Variants in ANKRD10 observed in about 807,000 individuals in gnomAD.
The protein encoded by ANKRD10 is ankyrin repeat domain 10.
ANKRD10 carries 14 observed loss-of-function variants against 27.0 expected under a neutral mutation model. That is an observed-to-expected ratio of 0.52 (90% CI 0.34 to 0.81). The LOEUF (loss-of-function observed/expected upper bound fraction) is 0.81, where lower values mean the gene tolerates loss of function less well. ANKRD10 is among the 40% of genes least tolerant of loss of function. The pLI is 0.01. For missense variants in ANKRD10, 493 were observed against 544.0 expected (o/e 0.91, Z 0.93); for synonymous variants, 250 against 224.5 (o/e 1.11, Z -1.01).
chr13:110,904,194 C>T (rs2065463643), intron 3 of ANKRD10: 1 of 152,090 alleles, frequency 6.6e-6, no homozygotes, highest in Non-Finnish European at 1.5e-5. Flanking sequence ...AGGCTAAATA[C>T]TTCTTCTAAA....
chr13:110,913,626 G>A (rs1486684331), intron 1 of ANKRD10, among the ~76,000 whole-genome samples: 1 of 152,150 alleles, frequency 6.6e-6, no homozygotes, highest in African/African-American at 2.4e-5. Flanking sequence ...AGCACCAGGG[G>A]CAGCAAGGTA....
intron 5 of ANKRD10, among the ~76,000 whole-genome samples, chr13:110,882,870 C>T (rs905585695): frequency 2.0e-5 from 3 of 151,906 alleles, no homozygotes; most frequent in Admixed American, 2.0e-4. Flanking sequence ...TGCATAAAGA[C>T]ATAATAAACT....
At chr13:110,885,564 A>G (rs1168764924) in intron 4 of ANKRD10, among the ~76,000 whole-genome samples, 1 of 151,642 alleles carries the variant, frequency 6.6e-6, no homozygotes, top group Non-Finnish European at 1.5e-5. Context: ...AGAAAAAAAG[A>G]AAGAAAGAAA....
chr13:110,886,003 C>T (rs1435082619), intron 4 of ANKRD10, among the ~76,000 whole-genome samples: 2 of 152,218 alleles, frequency 1.3e-5, no homozygotes, highest in Non-Finnish European at 2.9e-5. Context: ...ATGAAGCCCA[C>T]CCACTAGCCA....
chr13:110,893,073 A>G lies in ANKRD10; in HGVS notation c.646T>C (p.Leu216=). The change falls in exon 4 of 6, where the codon TTG becomes CTG. Residue 216 remains leucine, a synonymous_variant. Coordinates refer to ENST00000267339, the MANE Select transcript of ANKRD10 (RefSeq NM_017664.4). The part of the protein sequence containing the change: ...ISVGTNRKRC[L]EDSEDFGVKK... ...ACTCCAAAGTCTTCTGAGTCTTCCA[A>G]GCATCTCTTTCGATTTGTTCCCACA... 1 of 1,614,232 alleles carries G rather than the reference A, an allele frequency of 6.2e-7. No individual in the cohort carries two copies. Among genetic ancestry groups the G allele is most frequent in the Non-Finnish European group, 8.5e-7 (1 of 1,180,038 alleles).
intron 2 of ANKRD10, among the ~76,000 whole-genome samples, chr13:110,906,803 G>T (rs2065551781): frequency 6.6e-6 from 1 of 151,994 alleles, no homozygotes; most frequent in Admixed American, 6.6e-5. Flanking sequence ...GAAATTCCTG[G>T]TTCAGAAAGT....
Position 110,910,768 on chromosome 13 carries a change from C to G in ANKRD10, c.213G>C (p.Leu71Phe), listed in dbSNP as rs1481771362. 1 of 1,612,636 alleles carries G rather than the reference C, an allele frequency of 6.2e-7. No individual in the cohort carries two copies. The highest frequency in any genetic ancestry group is 1.7e-5 in the Admixed American group (1 of 59,668). ...CTCTCACCAACTGCACTAAGCACTC[C>G]AACTTCGAAAACAAGAGGGGTAATG... ...PVHWAAHFGK[L>F]ECLVQLVRAG... is the part of the protein sequence containing the mutation. Residue 71 changes from leucine to phenylalanine, a missense_variant and splice_region_variant, in exon 2 of 6, where the codon TTG becomes TTC. Leu to Phe is a conservative substitution (Grantham distance 22, BLOSUM62 0). Coordinates refer to ENST00000267339, the MANE Select transcript of ANKRD10 (RefSeq NM_017664.4).
chr13:110,903,562 T>C (rs2065444136), intron 3 of ANKRD10: 1 of 154,422 alleles, frequency 6.5e-6, no homozygotes, highest in African/African-American at 2.4e-5. Flanking sequence ...GTAAGTTATA[T>C]AACAAACCAT....
intron 3 of ANKRD10, among the ~76,000 whole-genome samples, chr13:110,901,003 TA>T (rs1343663919): frequency 6.6e-6 from 1 of 152,198 alleles, no homozygotes; most frequent in Non-Finnish European, 1.5e-5. Context: ...CAGTATGGAC[TA>T]AAAACCATCA....
At chr13:110,893,313 G>GTC in intron 3 of ANKRD10, 50 bp from the exon 4 acceptor site, 1 of 1,569,704 alleles carries the variant, frequency 6.4e-7, no homozygotes, top group Non-Finnish European at 8.7e-7. Context: ...TGCTAACCTG[G>GTC]TCTCTGCTCC....
intron 3 of ANKRD10, chr13:110,894,906 G>C (rs1455373962): frequency 6.6e-6 from 1 of 151,564 alleles, no homozygotes; most frequent in Non-Finnish European, 1.5e-5. Context: ...AGATCACCTT[G>C]TTATTGAAAT....
At chr13:110,896,361 C>T (rs1242244065) in intron 3 of ANKRD10, among the ~76,000 whole-genome samples, 4 of 152,208 alleles carry the variant, frequency 2.6e-5, no homozygotes, top group Non-Finnish European at 5.9e-5. Context: ...ATACAACATA[C>T]AGTTTAATTT....
chr13:110,887,556 AT>A lies in ANKRD10; in HGVS notation c.692-3764del, dbSNP rs1233833827. 2.0e-5 allele frequency among the ~76,000 whole-genome samples: 3 copies of A among 152,248 alleles called. No individual in the cohort carries two copies. In the East Asian group the frequency reaches 5.8e-4, roughly 29 times the overall value. ...TACATAAAAAACCAAAAAGCACTCT[AT>A]AAAGTCATACTTTGGGATATGAAGT... On this transcript the variant is annotated intron_variant, in intron 4 of 5. Coordinates refer to ENST00000267339, the MANE Select transcript of ANKRD10 (RefSeq NM_017664.4).
intron 1 of ANKRD10, chr13:110,911,599 C>G (rs1012110847): frequency 6.6e-6 from 1 of 152,014 alleles, no homozygotes; most frequent in African/African-American, 2.4e-5. Context: ...AAACCCCATA[C>G]TGGGGTTTCA....
chr13:110,914,738 G>A lies in ANKRD10; in HGVS notation c.197C>T (p.Ala66Val). The change falls in exon 1 of 6, where the codon GCG becomes GTG. Residue 66 changes from alanine (A) to valine (V), a missense_variant. Coordinates refer to ENST00000267339, the MANE Select transcript of ANKRD10 (RefSeq NM_017664.4). Reference sequence around the variant, plus strand: ...GTTCGCACCCACCTTGCCGAAATGCGCGGCCCAGTGCACGGGCGTCCAGCC... The same window carrying A: ...GTTCGCACCCACCTTGCCGAAATGCACGGCCCAGTGCACGGGCGTCCAGCC... ...FYGWTPVHWA[A>V]HFGKLECLVQ... is the part of the protein sequence containing the mutation. 6.3e-7 allele frequency: 1 copy of A among 1,587,704 alleles called. No homozygotes were observed. The highest frequency in any genetic ancestry group is 2.3e-5 in the East Asian group (1 of 43,008).
chr13:110,891,697 T>C (rs1594568931), intron 4 of ANKRD10, among the ~76,000 whole-genome samples: 1 of 152,130 alleles, frequency 6.6e-6, no homozygotes, highest in Non-Finnish European at 1.5e-5. Context: ...GTCACTCAGT[T>C]TTCCTTATGC....
rs747153519 is a variant in ANKRD10, at chr13:110,880,130, C to A, written c.788-18G>T. On this transcript the variant is annotated intron_variant, in intron 5 of 5. Transcript: ENST00000267339. ...TTTCATATCTGCATTAAGAAATACA[C>A]CTGTCACCAAAATTCAGAACCAATG... The A allele has an allele frequency of 8.8e-6, 14 of 1,592,826 alleles. No homozygotes were observed. In the Admixed American group the frequency reaches 2.4e-4, roughly 27 times the overall value.
chr13:110,882,316 C>T (rs1483252948), intron 5 of ANKRD10, among the ~76,000 whole-genome samples: 3 of 152,218 alleles, frequency 2.0e-5, no homozygotes, highest in African/African-American at 7.2e-5. Context: ...TCTCAAAGGA[C>T]TGTGAAGGCA....
chr13:110,883,616 C>A, intron 5 of ANKRD10, 82 bp downstream of exon 5: 18 of 1,575,108 alleles, frequency 1.1e-5, no homozygotes, highest in Non-Finnish European at 1.4e-5. Flanking sequence ...TTCTTTTGGT[C>A]CAACAGAACC....
Sources: gnomAD v4.1 joint callset for allele counts (sites outside exome capture counted in the v4.1 genomes callset) on GRCh38, gnomAD v4.1.1 for gene constraint, MANE v1.5 for transcripts, NCBI Gene and HGNC (gene_info 2026-07-23, HGNC 2026-07-21) for gene names.